NMNAT3: variants seen among roughly 807,000 people sequenced by gnomAD.
The protein encoded by NMNAT3 is nicotinamide nucleotide adenylyltransferase 3.
NMNAT3 carries 21 observed loss-of-function variants against 24.8 expected under a neutral mutation model. The ratio of observed to expected loss-of-function variants is 0.85; its 90% confidence interval spans 0.60 to 1.22. The LOEUF is 1.22. Ranked by LOEUF, NMNAT3 falls within the 50% of genes most tolerant of loss-of-function variation. The pLI is 0.00. For missense variants in NMNAT3, 387 were observed against 436.6 expected (o/e 0.89, Z 1.01); for synonymous variants, 136 against 155.2 (o/e 0.88, Z 0.92).
chr3:139,575,880 C>T, intron 5 of NMNAT3: 4 of 1,267,690 alleles, frequency 3.2e-6, no homozygotes, highest in Non-Finnish European at 4.1e-6. Flanking sequence ...GCCTGCAGAT[C>T]CCTGTTTTGA....
At chr3:139,664,340 G>C (rs545541488) in intron 1 of NMNAT3, among the ~76,000 whole-genome samples, 1 of 152,136 alleles carries the variant, frequency 6.6e-6, no homozygotes, top group Non-Finnish European at 1.5e-5. Context: ...GCTAGACTAC[G>C]ATTCCTCATG....
At chr3:139,676,365 C>A (rs1311579900) in intron 1 of NMNAT3, among the ~76,000 whole-genome samples, 1 of 152,238 alleles carries the variant, frequency 6.6e-6, no homozygotes, top group Non-Finnish European at 1.5e-5. Context: ...CAAGGTCTGA[C>A]ACGTCCTTAG....
intron 3 of NMNAT3, among the ~76,000 whole-genome samples, chr3:139,618,032 G>A (rs567738801): frequency 3.3e-5 from 5 of 152,334 alleles, no homozygotes; most frequent in Non-Finnish European, 5.9e-5. Flanking sequence ...CATCCATCAA[G>A]CCTTTGAGAA....
intron 1 of NMNAT3, among the ~76,000 whole-genome samples, chr3:139,671,688 G>T (rs1012442151): frequency 6.6e-6 from 1 of 152,078 alleles, no homozygotes; most frequent in African/African-American, 2.4e-5. Flanking sequence ...ATAGAAGAAG[G>T]CCAGATGGGG....
chr3:139,635,024 C>T (rs559754487), intron 2 of NMNAT3: 3 of 152,174 alleles, frequency 2.0e-5, no homozygotes, highest in African/African-American at 7.2e-5. Context: ...TTATATCTAC[C>T]TCTTAGAACT....
chr3:139,632,958 G>A (rs569931800), intron 2 of NMNAT3, among the ~76,000 whole-genome samples: 1 of 152,268 alleles, frequency 6.6e-6, no homozygotes, highest in South Asian at 2.1e-4. Flanking sequence ...AAAGAGGGCA[G>A]CAACGGGGCT....
At chr3:139,623,046 A>G (rs1178768190) in intron 3 of NMNAT3, among the ~76,000 whole-genome samples, 1 of 151,574 alleles carries the variant, frequency 6.6e-6, no homozygotes, top group East Asian at 1.9e-4. Context: ...TTCTTTCTTC[A>G]ATAATAAATT....
chr3:139,616,310 A>C (rs2055499829), intron 3 of NMNAT3, among the ~76,000 whole-genome samples: 1 of 152,122 alleles, frequency 6.6e-6, no homozygotes, highest in South Asian at 2.1e-4. Flanking sequence ...CTGTGACAGA[A>C]ACTACTCTGG....
intron 1 of NMNAT3, among the ~76,000 whole-genome samples, chr3:139,677,247 A>C (rs1214285149): frequency 6.6e-6 from 1 of 152,156 alleles, no homozygotes; most frequent in East Asian, 1.9e-4. Context: ...TTGCATAGAT[A>C]TCCATTTGCT....
chr3:139,591,329 A>G (rs1048941789), intron 3 of NMNAT3, among the ~76,000 whole-genome samples: 1 of 152,084 alleles, frequency 6.6e-6, no homozygotes, highest in Non-Finnish European at 1.5e-5. Context: ...CGCCCACGGA[A>G]TCGCGCTGAT....
At chr3:139,582,211 A>G (rs1317836798) in intron 4 of NMNAT3, among the ~76,000 whole-genome samples, 3 of 151,272 alleles carry the variant, frequency 2.0e-5, no homozygotes, top group Non-Finnish European at 4.4e-5. Context: ...AAAAAAAAAA[A>G]AAAGAAAAAA....
intron 3 of NMNAT3, among the ~76,000 whole-genome samples, chr3:139,624,376 T>C (rs898632148): frequency 2.0e-5 from 3 of 152,180 alleles, no homozygotes; most frequent in Non-Finnish European, 4.4e-5. Context: ...CTTTCTGTTA[T>C]TGATTTCTAA....
At chr3:139,618,968 C>G (rs530194617) in intron 3 of NMNAT3, among the ~76,000 whole-genome samples, 1 of 152,148 alleles carries the variant, frequency 6.6e-6, no homozygotes, top group Non-Finnish European at 1.5e-5. Flanking sequence ...TGCACTGGAA[C>G]GTGATTCTCC....
intron 1 of NMNAT3, among the ~76,000 whole-genome samples, chr3:139,673,757 G>A (rs2057833556): frequency 6.6e-6 from 1 of 152,038 alleles, no homozygotes; most frequent in Admixed American, 6.6e-5. Flanking sequence ...GACACTGCCT[G>A]AAGTATGTGT....
chr3:139,674,106 ACACAG>A (rs1234143872), intron 1 of NMNAT3, among the ~76,000 whole-genome samples: 2 of 152,178 alleles, frequency 1.3e-5, no homozygotes, highest in African/African-American at 4.8e-5. Context: ...GGCAGCCCAG[ACACAG>A]CACTTCTGGG....
chr3:139,632,093 A>T (rs2056323763), intron 2 of NMNAT3, among the ~76,000 whole-genome samples: 1 of 152,042 alleles, frequency 6.6e-6, no homozygotes, highest in South Asian at 2.1e-4. Context: ...TGGTCCTTTC[A>T]ACTCCTAGCA....
At chr3:139,664,138 T>A (rs774442166) in intron 1 of NMNAT3, among the ~76,000 whole-genome samples, 10 of 152,240 alleles carry the variant, frequency 6.6e-5, no homozygotes, top group African/African-American at 2.2e-4. Context: ...TGCACTTTTT[T>A]AAAGCACTTT....
At chr3:139,626,969 C>T (rs1022518525) in intron 3 of NMNAT3, among the ~76,000 whole-genome samples, 11 of 152,100 alleles carry the variant, frequency 7.2e-5, no homozygotes, top group African/African-American at 2.2e-4. Flanking sequence ...CATATATACT[C>T]GATAGCAACA....
chr3:139,592,668 CA>C (rs1288927162), intron 3 of NMNAT3, among the ~76,000 whole-genome samples: 4 of 152,006 alleles, frequency 2.6e-5, no homozygotes, highest in Non-Finnish European at 5.9e-5. Flanking sequence ...CAATATTCAA[CA>C]TTCTTAAAGA....
Sources: gnomAD v4.1 joint callset for allele counts (sites outside exome capture counted in the v4.1 genomes callset) on GRCh38, gnomAD v4.1.1 for gene constraint, MANE v1.5 for transcripts, NCBI Gene and HGNC (gene_info 2026-07-23, HGNC 2026-07-21) for gene names.